VEGFC: variants seen among roughly 807,000 people sequenced by gnomAD.
VEGFC encodes the protein FLT4 ligand DHM.
Under a neutral mutation model 46.1 loss-of-function variants are expected in VEGFC, and 12 were observed. The ratio of observed to expected loss-of-function variants is 0.26; its 90% confidence interval spans 0.17 to 0.42. VEGFC has a LOEUF of 0.42. Among genes scored for constraint, VEGFC ranks in the 10% least tolerant of loss-of-function variants. VEGFC has a pLI of 1.00. For missense variants in VEGFC, 488 were observed against 529.4 expected (o/e 0.92, Z 0.77); for synonymous variants, 232 against 195.5 (o/e 1.19, Z -1.56).
chr4:176,714,245 G>C (rs1209653123), intron 3 of VEGFC, among the ~76,000 whole-genome samples: 1 of 152,176 alleles, frequency 6.6e-6, no homozygotes, highest in East Asian at 1.9e-4. Context: ...TAAGAAGTGA[G>C]ATTTTCCTGT....
intron 1 of VEGFC, among the ~76,000 whole-genome samples, chr4:176,776,620 CA>C (rs1735817483): frequency 6.6e-6 from 1 of 152,140 alleles, no homozygotes; most frequent in African/African-American, 2.4e-5. Context: ...ACAAGAGAAC[CA>C]AAGCCAAAGA....
chr4:176,732,056 A>C (rs1246182292), intron 1 of VEGFC, among the ~76,000 whole-genome samples: 1 of 151,982 alleles, frequency 6.6e-6, no homozygotes, highest in South Asian at 2.1e-4. Flanking sequence ...GTGAATATAA[A>C]ATAAAATGAA....
chr4:176,702,594 C>T (rs1173561516), intron 4 of VEGFC, among the ~76,000 whole-genome samples: 1 of 151,968 alleles, frequency 6.6e-6, no homozygotes, highest in Non-Finnish European at 1.5e-5. Flanking sequence ...ATTTAATATC[C>T]AATTGCTTTC....
At chr4:176,765,539 C>G (rs1735604701) in intron 1 of VEGFC, among the ~76,000 whole-genome samples, 2 of 151,120 alleles carry the variant, frequency 1.3e-5, no homozygotes, top group South Asian at 4.2e-4. Context: ...CTACTGAAAT[C>G]CAAAGACAGA....
Position 176,687,204 on chromosome 4 carries a change from G to C in VEGFC, c.1128C>G (p.Phe376Leu), listed in dbSNP as rs1245594710. 12 of 1,611,766 alleles carry C rather than the reference G, an allele frequency of 7.4e-6. No individual in the cohort carries two copies. The South Asian group carries it at 1.2e-4, about 16-fold the overall frequency. Residue 376 changes from phenylalanine (F) to leucine (L), a missense_variant, in exon 6 of 7, where the codon TTC (phenylalanine) becomes TTG (leucine). Coordinates refer to ENST00000618562, the MANE Select transcript of VEGFC (RefSeq NM_005429.5). The stretch of plus-strand genomic sequence containing the variant: ...TCTCTTACCTGCATGTTTGGTGGTG[G>C]AACTTCTTTCCTTTTAACAAGCATT... ...PQKCLLKGKK[F>L]HHQTCSCYRR...
intron 1 of VEGFC, among the ~76,000 whole-genome samples, chr4:176,771,645 C>A (rs919165450): frequency 6.6e-6 from 1 of 152,154 alleles, no homozygotes; most frequent in African/African-American, 2.4e-5. Context: ...ACTGCAGCAA[C>A]AAGAAAAGTC....
chr4:176,724,468 T>G (rs1015429753), intron 3 of VEGFC, among the ~76,000 whole-genome samples: 1 of 152,206 alleles, frequency 6.6e-6, no homozygotes, highest in African/African-American at 2.4e-5. Flanking sequence ...ATAAACTATG[T>G]GATTATAGGC....
At chr4:176,740,107 C>G (rs1252475174) in intron 1 of VEGFC, among the ~76,000 whole-genome samples, 1 of 116,004 alleles carries the variant, frequency 8.6e-6, no homozygotes, top group African/African-American at 3.3e-5. Flanking sequence ...TACATATATT[C>G]TATATATATA....
chr4:176,707,529 G>A (rs1009446751), intron 4 of VEGFC, among the ~76,000 whole-genome samples: 2 of 151,930 alleles, frequency 1.3e-5, no homozygotes, highest in Admixed American at 1.3e-4. Context: ...AAATTATTTG[G>A]GTATATCACA....
At chr4:176,784,697 G>A (rs1436243859) in intron 1 of VEGFC, among the ~76,000 whole-genome samples, 2 of 134,640 alleles carry the variant, frequency 1.5e-5, no homozygotes, top group African/African-American at 2.7e-5. Context: ...AGCTTGCAGT[G>A]AGCTGAGATA....
intron 1 of VEGFC, among the ~76,000 whole-genome samples, chr4:176,744,493 A>C (rs1407650624): frequency 2.0e-5 from 3 of 152,062 alleles, no homozygotes; most frequent in African/African-American, 7.2e-5. Context: ...GAGGCAATGT[A>C]GTAGGCCTAT....
intron 3 of VEGFC, among the ~76,000 whole-genome samples, chr4:176,714,727 T>C (rs149028099): frequency 1.1e-3 from 170 of 152,282 alleles, no homozygotes; most frequent in Admixed American, 2.3e-3. Flanking sequence ...GTAGACAGAT[T>C]GCCGTGAGCA....
intron 1 of VEGFC, among the ~76,000 whole-genome samples, chr4:176,744,983 G>A (rs182961292): frequency 6.6e-6 from 1 of 152,062 alleles, no homozygotes; most frequent in African/African-American, 2.4e-5. Context: ...TGATAACTGG[G>A]TCCCAGCCTT....
chr4:176,693,773 G>A (rs1410223532), intron 4 of VEGFC, among the ~76,000 whole-genome samples: 2 of 138,868 alleles, frequency 1.4e-5, no homozygotes, highest in Admixed American at 1.4e-4. Flanking sequence ...ACTAACAGAG[G>A]ATCTCTCGGC....
At chr4:176,757,739 T>C (rs1267747198) in intron 1 of VEGFC, among the ~76,000 whole-genome samples, 2 of 152,036 alleles carry the variant, frequency 1.3e-5, no homozygotes, top group African/African-American at 4.8e-5. Context: ...GTTCCAATTC[T>C]TTCTCACAGA....
In VEGFC at chr4:176,699,353, C is replaced by T. The variant is rs114923102; in HGVS notation, c.705-11426G>A. ...GGTTATCCAACAGGATGTTCTGTAC[C>T]CCATTAAAGAAACAAATAAGGGAAA... On this transcript the variant is annotated intron_variant, in intron 4 of 6. Coordinates refer to ENST00000618562, the MANE Select transcript of VEGFC (RefSeq NM_005429.5). Among the ~76,000 whole-genome samples, 449 of 152,222 alleles carry T rather than the reference C, an allele frequency of 2.9e-3. 2 individuals carry two copies. The highest frequency in any genetic ancestry group is 0.01 in the African/African-American group (428 of 41,528).
At chr4:176,760,001 A>C (rs1560958029) in intron 1 of VEGFC, among the ~76,000 whole-genome samples, 1 of 152,188 alleles carries the variant, frequency 6.6e-6, no homozygotes, top group Non-Finnish European at 1.5e-5. Context: ...AGAAAAAATT[A>C]AAAATAGTTA....
chr4:176,763,008 T>C (rs2110913696), intron 1 of VEGFC, among the ~76,000 whole-genome samples: 1 of 152,242 alleles, frequency 6.6e-6, no homozygotes, highest in East Asian at 1.9e-4. Flanking sequence ...TGTCTCAACA[T>C]TTGCTCTGGG....
chr4:176,716,846 A>C (rs1012708818), intron 3 of VEGFC, among the ~76,000 whole-genome samples: 6 of 152,168 alleles, frequency 3.9e-5, no homozygotes, highest in African/African-American at 1.2e-4. Context: ...AACAGTAAGT[A>C]GATTATTTTA....
Sources: allele counts gnomAD v4.1 joint callset (sites outside exome capture counted in the v4.1 genomes callset), GRCh38; gene constraint gnomAD v4.1.1; transcripts MANE v1.5; gene names NCBI Gene and HGNC (gene_info 2026-07-23, HGNC 2026-07-21).